The following FMN1 variants were observed in gnomAD, a reference collection of about 807,000 sequenced individuals.
FMN1 encodes the protein formin-1.
Under a neutral mutation model 132.4 loss-of-function variants are expected in FMN1, and 110 were observed. The observed-to-expected ratio is 0.83, with a 90% confidence interval of 0.71 to 0.97. The LOEUF (loss-of-function observed/expected upper bound fraction) is 0.97, where lower values mean the gene tolerates loss of function less well. Ranked by LOEUF, FMN1 falls within the 50% of genes least tolerant of loss-of-function variation. The pLI is 0.00. For synonymous variants in FMN1, 722 were observed against 651.7 expected, an observed-to-expected ratio of 1.11 and a Z score of -1.64; for missense variants, 1,792 against 1,705.3, an observed-to-expected ratio of 1.05 and a Z score of -0.90.
chr15:32,877,289 G>GGA (rs2059659946), intron 16 of FMN1, among the ~76,000 whole-genome samples: 2 of 136,262 alleles, frequency 1.5e-5, no homozygotes, highest in East Asian at 2.1e-4. Flanking sequence ...TCTGTCTCAG[G>GGA]AAAAAAAAAA....
intron 5 of FMN1, chr15:33,067,537 G>A (rs1195418005): frequency 1.2e-6 from 2 of 1,613,898 alleles, no homozygotes; most frequent in Non-Finnish European, 1.7e-6. Context: ...CTTGAGCAAG[G>A]AGAGATGTCC....
In FMN1 at chr15:33,066,496, C is replaced by T. The variant is rs200909528; in HGVS notation, c.2044-1422G>A. The T allele has an allele frequency of 2.2e-4, 335 of 1,489,142 alleles. 1 individual carries two copies. Among genetic ancestry groups the T allele is most frequent in the Non-Finnish European group, 5.1e-5 (57 of 1,117,668 alleles). 92.2% of individuals were successfully genotyped at this position (1,489,142 alleles called of 1,614,324 possible). On this transcript the variant is annotated intron_variant, in intron 5 of 20. Transcript: ENST00000616417. The stretch of plus-strand genomic sequence containing the variant: ...CCATATTTTATGTTAAAATGCAAAA[C>T]CCAATTCTACATACACTTTTGGAAT...
At chr15:33,138,563 T>C (rs17816904) in intron 4 of FMN1, among the ~76,000 whole-genome samples, 11,101 of 152,036 alleles carry the variant, frequency 0.073, 460 homozygotes, top group African/African-American at 0.086. Flanking sequence ...CTAGCAAACT[T>C]TGTATTTTCA....
intron 6 of FMN1, among the ~76,000 whole-genome samples, chr15:33,043,374 T>C (rs1482872795): frequency 6.6e-6 from 1 of 152,212 alleles, no homozygotes; most frequent in Non-Finnish European, 1.5e-5. Context: ...CTGTTCTGTG[T>C]TCAAATAAGA....
At chr15:32,882,016 C>G (rs568754787) in intron 16 of FMN1, among the ~76,000 whole-genome samples, 16 of 152,238 alleles carry the variant, frequency 1.1e-4, no homozygotes, top group Admixed American at 7.8e-4. Flanking sequence ...GTCAGAGAGA[C>G]AGAGAGGGAG....
chr15:32,912,030 A>C (rs533857915), intron 10 of FMN1, among the ~76,000 whole-genome samples: 1 of 152,212 alleles, frequency 6.6e-6, no homozygotes, highest in African/African-American at 2.4e-5. Flanking sequence ...GTATTCTCTC[A>C]CAAAAATCAA....
intron 9 of FMN1, among the ~76,000 whole-genome samples, chr15:32,942,420 C>G (rs556825): frequency 0.016 from 2,484 of 152,294 alleles, 69 homozygotes; most frequent in African/African-American, 0.057. Context: ...TACAGAAAAT[C>G]TGTACACTGT....
chr15:32,899,878 G>A, intron 14 of FMN1, 101 bp downstream of exon 14: 1 of 1,150,330 alleles, frequency 8.7e-7, no homozygotes, highest in Non-Finnish European at 1.2e-6. Flanking sequence ...TTAAGGGGAG[G>A]ATAGAGATAA....
chr15:33,098,146 T>C (rs2039157239), intron 4 of FMN1, among the ~76,000 whole-genome samples: 1 of 152,180 alleles, frequency 6.6e-6, no homozygotes, highest in South Asian at 2.1e-4. Context: ...CACTTCAAAA[T>C]AACTCATAGG....
chr15:33,028,064 T>C (rs938164944), intron 6 of FMN1, among the ~76,000 whole-genome samples: 3 of 152,238 alleles, frequency 2.0e-5, no homozygotes, highest in Non-Finnish European at 2.9e-5. Flanking sequence ...ATAAAGCGTT[T>C]ATTCCAGTGG....
At chr15:32,939,905 AATAT>A (rs1306614312) in intron 9 of FMN1, among the ~76,000 whole-genome samples, 1 of 152,162 alleles carries the variant, frequency 6.6e-6, no homozygotes. Flanking sequence ...TAGGAAATTT[AATAT>A]ATATATTTAC....
chr15:32,988,926 A>C (rs1373263958), intron 7 of FMN1, among the ~76,000 whole-genome samples: 3 of 152,212 alleles, frequency 2.0e-5, no homozygotes, highest in Non-Finnish European at 2.9e-5. Flanking sequence ...TCATCATGCA[A>C]ATGTTGTCTA....
At chr15:33,076,636 A>G (rs1263359167) in intron 5 of FMN1, among the ~76,000 whole-genome samples, 2 of 152,174 alleles carry the variant, frequency 1.3e-5, no homozygotes, top group East Asian at 1.9e-4. Flanking sequence ...CCATAACTCT[A>G]TGAGAAAGAT....
At chr15:32,934,379 C>T (rs114651709) in intron 9 of FMN1, among the ~76,000 whole-genome samples, 2,132 of 151,828 alleles carry the variant, frequency 0.014, 23 homozygotes, top group Middle Eastern at 0.065. Flanking sequence ...GTGATTTATC[C>T]GCATCATTAT....
At chr15:33,114,677 A>G (rs1157512384) in intron 4 of FMN1, among the ~76,000 whole-genome samples, 1 of 152,122 alleles carries the variant, frequency 6.6e-6, no homozygotes, top group Non-Finnish European at 1.5e-5. Flanking sequence ...GCCTGTGGGT[A>G]AATAGTCACA....
At chr15:32,966,961 T>C (rs1045277116) in intron 8 of FMN1, among the ~76,000 whole-genome samples, 2 of 152,208 alleles carry the variant, frequency 1.3e-5, no homozygotes, top group African/African-American at 4.8e-5. Context: ...AGAACTTGAA[T>C]ATGTGGTACC....
intron 16 of FMN1, among the ~76,000 whole-genome samples, chr15:32,869,962 G>A (rs1014374892): frequency 1.3e-5 from 2 of 152,176 alleles, no homozygotes; most frequent in African/African-American, 4.8e-5. Context: ...AGATTCTGTA[G>A]CCACTTGTTT....
chr15:33,150,154 C>T (rs1012157224), intron 4 of FMN1: 1 of 985,414 alleles, frequency 1.0e-6, no homozygotes, highest in African/African-American at 1.7e-5. Flanking sequence ...GCCAAGCTCC[C>T]TGTGATTCTT....
intron 7 of FMN1, 116 bp from the exon 8 acceptor site, chr15:32,969,593 G>A (rs976820673): frequency 1.2e-5 from 14 of 1,140,254 alleles, no homozygotes; most frequent in Non-Finnish European, 1.6e-5. Context: ...CATAAATGCA[G>A]GGAAATACAG....
Sources: allele counts gnomAD v4.1 joint callset (sites outside exome capture counted in the v4.1 genomes callset), GRCh38; gene constraint gnomAD v4.1.1; transcripts MANE v1.5; gene names NCBI Gene and HGNC (gene_info 2026-07-23, HGNC 2026-07-21).